The following TDRD5 variants were observed in gnomAD, a reference collection of about 807,000 sequenced individuals.
The protein encoded by TDRD5 is tudor domain-containing protein 5.
In TDRD5, 41 loss-of-function variants were observed where a neutral mutation model predicts 120.6. The observed-to-expected ratio is 0.34, with a 90% CI of 0.26 to 0.44. TDRD5 has a LOEUF of 0.44. Among genes scored for constraint, TDRD5 ranks in the 20% least tolerant of loss-of-function variants. TDRD5 has a pLI of 1.00. For synonymous variants in TDRD5, 430 were observed against 433.7 expected, an observed-to-expected ratio of 0.99 and a Z score of 0.11; for missense variants, 1,006 against 1,221.2, an observed-to-expected ratio of 0.82 and a Z score of 2.63.
chr1:179,606,128 G>T (rs1675968030), intron 4 of TDRD5, among the ~76,000 whole-genome samples: 1 of 149,106 alleles, frequency 6.7e-6, no homozygotes, highest in South Asian at 2.1e-4. Context: ...TTTAGATTTT[G>T]GCCATTCTAA....
intron 17 of TDRD5, among the ~76,000 whole-genome samples, chr1:179,686,936 G>A (rs528700782): frequency 0.02 from 2,954 of 149,718 alleles, 76 homozygotes; most frequent in African/African-American, 0.067. Context: ...TCTCTCTTTT[G>A]TTCTTTATTA....
At chr1:179,672,925 T>G (rs1273009840) in intron 17 of TDRD5, among the ~76,000 whole-genome samples, 2 of 152,240 alleles carry the variant, frequency 1.3e-5, no homozygotes, top group Admixed American at 1.3e-4. Flanking sequence ...GCTTTGTTTT[T>G]GGGTTCCCTA....
chr1:179,602,458 A>G lies in TDRD5; in HGVS notation c.831+6640A>G, dbSNP rs574686169. On this transcript the variant is annotated intron_variant, in intron 4 of 17. Transcript: ENST00000444136. Reference sequence around the variant, plus strand: ...GGTCATGAAATCCTTGCCTAAGCCAATGTCTAGAAGGGTTTTTCCAATGTT... The same window carrying G: ...GGTCATGAAATCCTTGCCTAAGCCAGTGTCTAGAAGGGTTTTTCCAATGTT... Among the ~76,000 whole-genome samples the G allele has an allele frequency of 3.0e-3, 450 of 152,222 alleles. 4 individuals carry two copies. The highest frequency in any genetic ancestry group is 5.4e-3 in the Non-Finnish European group (369 of 68,000).
chr1:179,610,422 T>C (rs775985109), intron 4 of TDRD5, among the ~76,000 whole-genome samples: 4 of 152,208 alleles, frequency 2.6e-5, no homozygotes, highest in Admixed American at 6.5e-5. Context: ...TTATCATGAA[T>C]TGTTCAGTTA....
chr1:179,633,725 TG>T (rs1401051390), intron 7 of TDRD5, among the ~76,000 whole-genome samples: 2 of 152,130 alleles, frequency 1.3e-5, no homozygotes, highest in Non-Finnish European at 2.9e-5. Flanking sequence ...ATGATTAACT[TG>T]AAAATTTCCT....
chr1:179,610,898 A>G (rs1676239330), intron 4 of TDRD5, among the ~76,000 whole-genome samples: 1 of 152,144 alleles, frequency 6.6e-6, no homozygotes, highest in Admixed American at 6.5e-5. Flanking sequence ...AAAATTTTTG[A>G]AGAGACTTCA....
intron 9 of TDRD5, among the ~76,000 whole-genome samples, chr1:179,637,128 AATTT>A (rs2102018030): frequency 6.6e-6 from 1 of 152,356 alleles, no homozygotes; most frequent in South Asian, 2.1e-4. Context: ...ATAGAAGAAT[AATTT>A]ATTTCATTTT....
At chr1:179,668,687 T>C (rs975395977) in intron 16 of TDRD5, among the ~76,000 whole-genome samples, 4 of 152,016 alleles carry the variant, frequency 2.6e-5, no homozygotes, top group South Asian at 2.1e-4. Context: ...TTGAATTGAA[T>C]TTATGTTCAT....
intron 11 of TDRD5, among the ~76,000 whole-genome samples, chr1:179,645,738 G>A (rs117713450): frequency 6.6e-6 from 1 of 151,664 alleles, no homozygotes; most frequent in Non-Finnish European, 1.5e-5. Context: ...TTTTTATTTT[G>A]TATACAATTG....
chr1:179,642,167 C>T (rs1678087706), intron 11 of TDRD5, among the ~76,000 whole-genome samples: 1 of 150,928 alleles, frequency 6.6e-6, no homozygotes, highest in African/African-American at 2.4e-5. Flanking sequence ...GTGGTGCAAT[C>T]TCGGCTCACT....
At chr1:179,619,625 CTT>C (rs1186767641) in intron 5 of TDRD5, among the ~76,000 whole-genome samples, 5 of 145,442 alleles carry the variant, frequency 3.4e-5, no homozygotes, top group African/African-American at 5.0e-5. Context: ...TTCAATATGA[CTT>C]TTTTTTTTTT....
intron 11 of TDRD5, among the ~76,000 whole-genome samples, chr1:179,647,187 C>G (rs1263709403): frequency 7.0e-6 from 1 of 143,246 alleles, no homozygotes; most frequent in Non-Finnish European, 1.5e-5. Flanking sequence ...ATCACACTAC[C>G]TGACTTCAAA....
intron 7 of TDRD5, 144 bp from the exon 8 acceptor site, chr1:179,634,313 C>A (rs577822597): frequency 2.6e-6 from 2 of 777,416 alleles, no homozygotes. Context: ...AGGTTTGTAT[C>A]TCTCATTTAT....
At chr1:179,626,089 G>A (rs1291834822) in intron 6 of TDRD5, among the ~76,000 whole-genome samples, 3 of 152,106 alleles carry the variant, frequency 2.0e-5, no homozygotes, top group Admixed American at 6.6e-5. Context: ...GGGAGGGATA[G>A]CATTGGGAGA....
chr1:179,659,409 G>C (rs1423014608), intron 14 of TDRD5, among the ~76,000 whole-genome samples: 1 of 151,920 alleles, frequency 6.6e-6, no homozygotes, highest in Non-Finnish European at 1.5e-5. Context: ...AAGCTCTATT[G>C]TTAGGTGTTA....
chr1:179,611,656 G>A (rs1422359971), intron 4 of TDRD5, among the ~76,000 whole-genome samples: 1 of 152,134 alleles, frequency 6.6e-6, no homozygotes, highest in African/African-American at 2.4e-5. Flanking sequence ...GAATTTAGCA[G>A]GAAGACTCTG....
chr1:179,607,677 C>T (rs796674032), intron 4 of TDRD5, among the ~76,000 whole-genome samples: 7 of 152,054 alleles, frequency 4.6e-5, no homozygotes, highest in African/African-American at 1.7e-4. Context: ...AGTAAATTTA[C>T]ATTTCCCCTC....
chr1:179,634,712 T>G, intron 8 of TDRD5, 83 bp downstream of exon 8: 2 of 1,447,642 alleles, frequency 1.4e-6, no homozygotes, highest in Non-Finnish European at 1.8e-6. Context: ...ACCAAAATTC[T>G]TTTTAGAAAA....
chr1:179,652,798 A>T (rs1306883449), intron 13 of TDRD5, among the ~76,000 whole-genome samples: 1 of 152,214 alleles, frequency 6.6e-6, no homozygotes. Context: ...TCCTGACATG[A>T]TATCACAAGT....
Sources: gnomAD v4.1 joint callset for allele counts (sites outside exome capture counted in the v4.1 genomes callset) on GRCh38, gnomAD v4.1.1 for gene constraint, MANE v1.5 for transcripts, NCBI Gene and HGNC (gene_info 2026-07-23, HGNC 2026-07-21) for gene names.